The following TLN1 variants were observed in gnomAD, a reference collection of about 807,000 sequenced individuals.
TLN1 encodes the protein talin-1.
Under a neutral mutation model 292.3 loss-of-function variants are expected in TLN1, and 56 were observed. That is an observed-to-expected ratio of 0.19 (90% CI 0.15 to 0.24). TLN1 has a LOEUF of 0.24. Ranked by LOEUF, TLN1 falls within the 10% of genes least tolerant of loss-of-function variation. The pLI is 1.00. For synonymous variants in TLN1, 1,119 were observed against 1,253.7 expected, an observed-to-expected ratio of 0.89 and a Z score of 2.27; for missense variants, 2,433 against 3,248.2, an observed-to-expected ratio of 0.75 and a Z score of 6.10.
rs770202937 is a variant in TLN1 at position 35,700,208 on chromosome 9, T to C, written c.6643A>G (p.Met2215Val). The C allele has an allele frequency of 3.1e-6, 5 of 1,603,266 alleles. No individual in the cohort carries two copies. Among genetic ancestry groups the C allele is most frequent in the Admixed American group, 3.3e-5 (2 of 59,824 alleles). The change falls in exon 49 of 57, where the codon ATG (methionine) becomes GTG (valine). Residue 2215 changes from methionine to valine, a missense_variant. Physicochemically the swap from Met to Val is conservative, Grantham distance 21 (BLOSUM62 1). Around this residue, in one of 7 missense-constraint regions of TLN1, gnomAD observed 1,384 missense variants for 1,699.6 expected, o/e 0.81. Transcript: ENST00000314888. ...ANLSRRAIAD[M>V]LRACKEAAYH... Reference sequence around the variant, plus strand: ...ATTTCTACCTTGCAAGCCCGAAGCATATCTGCAATAGCACGGCGGCTCAGA... The same window carrying C: ...ATTTCTACCTTGCAAGCCCGAAGCACATCTGCAATAGCACGGCGGCTCAGA...
rs1825594839 is a variant in TLN1, at chr9:35,707,948, A to G, written c.4471-56T>C. On this transcript the variant is annotated intron_variant, in intron 34 of 56. Coordinates refer to ENST00000314888, the MANE Select transcript of TLN1 (RefSeq NM_006289.4). The surrounding 1 kb of genome is among the most constrained non-coding windows in gnomAD (Gnocchi z 5.6). ...GGGCAGGAAGGAGGTGTACATACCC[A>G]AGGAGGAGCCATTTTAGGGTCAGGG... 1 of 1,586,906 alleles carries G rather than the reference A, an allele frequency of 6.3e-7. No individual in the cohort carries two copies. The highest frequency in any genetic ancestry group is 1.3e-5 in the African/African-American group (1 of 74,216).
chr9:35,723,487 G>T (rs1825914463), intron 7 of TLN1: 1 of 192,664 alleles, frequency 5.2e-6, no homozygotes, highest in Admixed American at 5.8e-5. Context: ...GTCCCTGAGG[G>T]AAAGTGGGTC....
chr9:35,708,214 G>C (rs1174443736), intron 34 of TLN1, 127 bp downstream of exon 34: 1 of 1,221,506 alleles, frequency 8.2e-7, no homozygotes, highest in African/African-American at 1.5e-5. Context: ...TACCCAAAAA[G>C]AAGCTGTGTG....
Position 35,724,810 on chromosome 9 carries a change from A to G in TLN1, c.358+20T>C. On this transcript the variant is annotated intron_variant, in intron 4 of 56. Transcript: ENST00000314888. The surrounding 1 kb of genome is among the most constrained non-coding windows in gnomAD (Gnocchi z 4.7). ...TGAGGCTTTCTGGCCCAGGCTTTCAACTGTACTAGGGCCCCTTACCAATGC... is the reference window on the plus strand; with the variant it reads ...TGAGGCTTTCTGGCCCAGGCTTTCAGCTGTACTAGGGCCCCTTACCAATGC... 1 of 1,613,946 alleles carries G rather than the reference A, an allele frequency of 6.2e-7. No homozygotes were observed. The highest frequency in any genetic ancestry group is 1.7e-5 in the Admixed American group (1 of 59,998).
At position 35,699,735 on chromosome 9, in the gene TLN1, G is replaced by C. The variant is rs1448404543; in HGVS notation, c.6768+239C>G. On this transcript the variant is annotated intron_variant, in intron 50 of 56. Coordinates refer to ENST00000314888, the MANE Select transcript of TLN1 (RefSeq NM_006289.4). The surrounding 1 kb of genome is among the most constrained non-coding windows in gnomAD (Gnocchi z 4.0). Reference sequence around the variant, plus strand: ...CGAAAGTAGAGAAGGGGGTGGTCAGGTGGGAAGGGAGGAGAAAAGAAAAAG... The same window carrying C: ...CGAAAGTAGAGAAGGGGGTGGTCAGCTGGGAAGGGAGGAGAAAAGAAAAAG... 5 of 971,558 alleles carry C rather than the reference G, an allele frequency of 5.1e-6. No homozygotes were observed. In the African/African-American group the frequency reaches 8.8e-5, roughly 17 times the overall value. The allele number at this position is 971,558 out of a possible 1,614,324, so 60.2% of individuals were successfully genotyped here. A position where few individuals can be genotyped will look rare whatever the true frequency, so the allele number is the denominator to read the frequency against.
Position 35,714,363 on chromosome 9 carries a change from T to C in TLN1, c.2996A>G (p.Lys999Arg). ...ASQSFLQPGG[K>R]MVAAAKASVP... Reference sequence around the variant, plus strand: ...TGAGGCCTTTGCAGCTGCCACCATCTTCCCACCTGGCTGTTGGGGAATAGG... The same window carrying C: ...TGAGGCCTTTGCAGCTGCCACCATCCTCCCACCTGGCTGTTGGGGAATAGG... The change falls in exon 24 of 57, where the codon AAG becomes AGG. Residue 999 changes from lysine to arginine, a missense_variant. Around this residue, in one of 7 missense-constraint regions of TLN1, gnomAD observed 617 missense variants for 770.6 expected, o/e 0.80. Coordinates refer to ENST00000314888, the MANE Select transcript of TLN1 (RefSeq NM_006289.4). This position sits in a 1 kb window ranked among gnomAD's most constrained non-coding sequence, Gnocchi z 4.6. The C allele has an allele frequency of 6.2e-7, 1 of 1,611,182 alleles. No homozygotes were observed. Among genetic ancestry groups the C allele is most frequent in the South Asian group, 1.1e-5 (1 of 90,954 alleles).
rs1196604186 is a variant in TLN1, at chr9:35,719,325, G to A, written c.1688-43C>T. 38 of 1,583,496 alleles carry A rather than the reference G, an allele frequency of 2.4e-5. No homozygotes were observed. Among genetic ancestry groups the A allele is most frequent in the Non-Finnish European group, 3.3e-5 (38 of 1,157,898 alleles). On this transcript the variant is annotated intron_variant, in intron 15 of 56. Transcript: ENST00000314888. The surrounding 1 kb of genome is among the most constrained non-coding windows in gnomAD (Gnocchi z 4.6). Reference sequence around the variant, plus strand: ...AAGAGGAACATGAGAGACAGGGCAGGCCAGACGAAGGGCTGGGGAGGGAGC... The same window carrying A: ...AAGAGGAACATGAGAGACAGGGCAGACCAGACGAAGGGCTGGGGAGGGAGC...
chr9:35,698,281 C>T lies in TLN1; in HGVS notation c.7371+42G>A, dbSNP rs771792732. On this transcript the variant is annotated intron_variant, in intron 55 of 56. Coordinates refer to ENST00000314888, the MANE Select transcript of TLN1 (RefSeq NM_006289.4). This position sits in a 1 kb window ranked among gnomAD's most constrained non-coding sequence, Gnocchi z 5.3. Reference sequence around the variant, plus strand: ...ACATCTCGGGAGTGACAGTTTGAAGCAGTATAGCCCAAGGGACAATGGGAT... The same window carrying T: ...ACATCTCGGGAGTGACAGTTTGAAGTAGTATAGCCCAAGGGACAATGGGAT... 3.7e-6 allele frequency: 6 copies of T among 1,609,218 alleles called. No homozygotes were observed. The African/African-American group carries it at 6.7e-5, about 18-fold the overall frequency.
chr9:35,699,344 G>T lies in TLN1; in HGVS notation c.6874+12C>A. 1 of 1,605,866 alleles carries T rather than the reference G, an allele frequency of 6.2e-7. No homozygotes were observed. Among genetic ancestry groups the T allele is most frequent in the Non-Finnish European group, 8.5e-7 (1 of 1,175,902 alleles). On this transcript the variant is annotated intron_variant, in intron 51 of 56. Transcript: ENST00000314888. This position sits in a 1 kb window ranked among gnomAD's most constrained non-coding sequence, Gnocchi z 4.0. ...GGTTTTCCATCCGTCCCTGTCCCTG[G>T]TCACCCCTCACCCTTCATGGCTTCA...
chr9:35,698,700 T>C lies in TLN1; in HGVS notation c.7126-21A>G. On this transcript the variant is annotated intron_variant, in intron 53 of 56. Coordinates refer to ENST00000314888, the MANE Select transcript of TLN1 (RefSeq NM_006289.4). This position sits in a 1 kb window ranked among gnomAD's most constrained non-coding sequence, Gnocchi z 5.3. Reference sequence around the variant, plus strand: ...CCCACCTGTAGGAAGGAGAAGAGCCTACTTAGACCTGCATTTTCCTCACTT... The same window carrying C: ...CCCACCTGTAGGAAGGAGAAGAGCCCACTTAGACCTGCATTTTCCTCACTT... 1 of 1,614,132 alleles carries C rather than the reference T, an allele frequency of 6.2e-7. No individual in the cohort carries two copies. The highest frequency in any genetic ancestry group is 1.1e-5 in the South Asian group (1 of 91,076).
chr9:35,726,621 G>T (rs1563948036), intron 1 of TLN1, among the ~76,000 whole-genome samples: 2 of 152,184 alleles, frequency 1.3e-5, no homozygotes, highest in Non-Finnish European at 2.9e-5. Flanking sequence ...CCAAATACTG[G>T]TTGCTCAAGC....
Position 35,697,659 on chromosome 9 carries a change from C to G in TLN1, c.*132G>C, listed in dbSNP as rs1055591657. 137 of 1,379,140 alleles carry G rather than the reference C, an allele frequency of 9.9e-5. No homozygotes were observed. Among genetic ancestry groups the G allele is most frequent in the Non-Finnish European group, 1.1e-4 (116 of 1,016,216 alleles). 85.4% of individuals were successfully genotyped at this position (1,379,140 alleles called of 1,614,324 possible). ...GATGTACTGCGGGACTGGGCGGGGC[C>G]AGGCCCTGGGGTTTGGCAGGCACTT... On this transcript the variant is annotated 3_prime_UTR_variant, in exon 57 of 57. Coordinates refer to ENST00000314888, the MANE Select transcript of TLN1 (RefSeq NM_006289.4).
At chr9:35,700,814 T>G (rs1825452543) in intron 48 of TLN1, among the ~76,000 whole-genome samples, 1 of 152,150 alleles carries the variant, frequency 6.6e-6, no homozygotes, top group South Asian at 2.1e-4. Flanking sequence ...ACATAATATG[T>G]GAAAGTCATA....
chr9:35,713,775 A>G (rs573122819), intron 25 of TLN1, among the ~76,000 whole-genome samples, 178 bp downstream of exon 25: 1 of 151,844 alleles, frequency 6.6e-6, no homozygotes, highest in Admixed American at 6.6e-5. Context: ...GAAGGAAGAA[A>G]GAAGGAAGGA....
rs760637529 is a variant in TLN1, at chr9:35,724,008, T to C, written c.726A>G (p.Gln242=). 7 of 1,613,778 alleles carry C rather than the reference T, an allele frequency of 4.3e-6. 1 individual carries two copies. The highest frequency in any genetic ancestry group is 1.1e-5 in the South Asian group (1 of 91,068). Residue 242 remains glutamine (Q), a synonymous_variant, in exon 7 of 57, where the codon CAA becomes CAG. Coordinates refer to ENST00000314888, the MANE Select transcript of TLN1 (RefSeq NM_006289.4). The surrounding 1 kb of genome is among the most constrained non-coding windows in gnomAD (Gnocchi z 4.7). ...FDKACEFAGF[Q]CQIQFGPHNE... is the part of the protein sequence containing the mutation. ...TGTGGGGCCCAAACTGGATCTGGCA[T>C]TGGAAGCCAGCAAACTCACAGGCCT...
chr9:35,706,677 C>T lies in TLN1; in HGVS notation c.5088+91G>A, dbSNP rs547988035. ...TTCGCACATCCCAGCCTTTGATGTC[C>T]CTAAGAAGCCACTCCTTGATCCCCC... On this transcript the variant is annotated intron_variant, in intron 38 of 56. Transcript: ENST00000314888. The surrounding 1 kb of genome is among the most constrained non-coding windows in gnomAD (Gnocchi z 4.2). 2.0e-5 allele frequency: 31 copies of T among 1,583,316 alleles called. 1 individual carries two copies. In the South Asian group the frequency reaches 3.1e-4, roughly 16 times the overall value.
At chr9:35,725,188 A>G (rs376521766) in intron 3 of TLN1, 36 bp downstream of exon 3, 174 of 1,606,944 alleles carry the variant, frequency 1.1e-4, no homozygotes, top group Non-Finnish European at 1.5e-4. Context: ...AGCTGATGGA[A>G]GGGGATGTGG....
At position 35,698,431 on chromosome 9, in the gene TLN1, C is replaced by T. The variant is rs1825405636; in HGVS notation, c.7263G>A (p.Gln2421=). 2 of 1,614,158 alleles carry T rather than the reference C, an allele frequency of 1.2e-6. No homozygotes were observed. Among genetic ancestry groups the T allele is most frequent in the South Asian group, 1.1e-5 (1 of 91,082 alleles). The change falls in exon 55 of 57, where the codon CAG becomes CAA. Residue 2421 remains glutamine, a synonymous_variant. Coordinates refer to ENST00000314888, the MANE Select transcript of TLN1 (RefSeq NM_006289.4). The surrounding 1 kb of genome is among the most constrained non-coding windows in gnomAD (Gnocchi z 5.3). ...GCTTGGCTGATGAGATGAGCTTCTC[C>T]TGGCTGGCATGGCCTTGTACAGCTG... is the stretch of plus-strand genomic sequence containing the variant. The part of the protein sequence containing the change: ...ANAAVQGHAS[Q]EKLISSAKQV...
Position 35,711,645 on chromosome 9 carries a change from C to A in TLN1, c.3829G>T (p.Asp1277Tyr). ...LARASGRFGQ[D>Y]FSTFLEAGVE... ...CCAGCTTCCAGGAAGGTGCTGAAGT[C>A]CTGTCCAAATCGGCCTGAGGCTCGA... Residue 1277 changes from aspartate (D) to tyrosine (Y), a missense_variant, in exon 29 of 57, where the codon GAC becomes TAC. Transcript: ENST00000314888. 6.2e-7 allele frequency: 1 copy of A among 1,614,156 alleles called. No individual in the cohort carries two copies. Among genetic ancestry groups the A allele is most frequent in the Non-Finnish European group, 8.5e-7 (1 of 1,180,032 alleles).
Sources: gnomAD v4.1 joint callset for allele counts (sites outside exome capture counted in the v4.1 genomes callset) on GRCh38, gnomAD v4.1.1 for gene constraint, gnomAD v4.1.1 regional missense constraint, Gnocchi (gnomAD v3.1) non-coding constraint, MANE v1.5 for transcripts, NCBI Gene and HGNC (gene_info 2026-07-23, HGNC 2026-07-21) for gene names.